ROR1: variants seen among roughly 807,000 people sequenced by gnomAD.
The protein encoded by ROR1 is ROR family WNT receptor 1.
ROR1 carries 19 observed loss-of-function variants against 78.8 expected under a neutral mutation model. That is an observed-to-expected ratio of 0.24 (90% CI 0.17 to 0.35). ROR1 has a LOEUF of 0.35. ROR1 is among the 10% of genes least tolerant of loss of function. The pLI is 1.00. For synonymous variants in ROR1, 386 were observed against 433.6 expected, an observed-to-expected ratio of 0.89 and a Z score of 1.36; for missense variants, 917 against 1,177.8, an observed-to-expected ratio of 0.78 and a Z score of 3.24.
chr1:63,883,693 G>A (rs906426500), intron 1 of ROR1, among the ~76,000 whole-genome samples: 2 of 152,136 alleles, frequency 1.3e-5, no homozygotes, highest in African/African-American at 4.8e-5. Flanking sequence ...AACCCATGTT[G>A]TTGTCTCTGG....
chr1:63,897,269 C>T (rs1172122931), intron 1 of ROR1, among the ~76,000 whole-genome samples: 1 of 152,138 alleles, frequency 6.6e-6, no homozygotes, highest in Non-Finnish European at 1.5e-5. Context: ...ATATGCATAA[C>T]ATACATAAAT....
intron 1 of ROR1, among the ~76,000 whole-genome samples, chr1:64,000,160 G>A (rs1257597866): frequency 1.3e-5 from 2 of 152,112 alleles, no homozygotes; most frequent in Non-Finnish European, 2.9e-5. Context: ...TTGCCTGGAG[G>A]CACTTTTTGG....
intron 4 of ROR1, among the ~76,000 whole-genome samples, chr1:64,067,710 CTTTT>C (rs986756579): frequency 2.8e-5 from 3 of 105,640 alleles, no homozygotes; most frequent in African/African-American, 1.3e-4. Context: ...TAAATAAATT[CTTTT>C]TTTTTTTTTT....
intron 2 of ROR1, among the ~76,000 whole-genome samples, chr1:64,041,453 A>T (rs1646745041): frequency 6.6e-6 from 1 of 152,190 alleles, no homozygotes; most frequent in African/African-American, 2.4e-5. Context: ...TATTCATTAA[A>T]ATAAGCCTCT....
chr1:63,847,523 C>T (rs1645088785), intron 1 of ROR1, among the ~76,000 whole-genome samples: 1 of 152,068 alleles, frequency 6.6e-6, no homozygotes, highest in African/African-American at 2.4e-5. Flanking sequence ...GGCTTCCTGC[C>T]AGAAGGATCT....
intron 4 of ROR1, among the ~76,000 whole-genome samples, chr1:64,087,035 A>G (rs1647160610): frequency 6.6e-6 from 1 of 152,162 alleles, no homozygotes; most frequent in Non-Finnish European, 1.5e-5. Context: ...CAGTGAGGGA[A>G]TCTTTGCCCA....
intron 4 of ROR1, among the ~76,000 whole-genome samples, chr1:64,135,378 G>T (rs1365785990): frequency 1.3e-5 from 2 of 152,142 alleles, no homozygotes; most frequent in Admixed American, 6.6e-5. Context: ...CCAGGGTTTT[G>T]TCCTCCCAAG....
chr1:63,978,827 T>G (rs2100506331), intron 1 of ROR1, among the ~76,000 whole-genome samples: 1 of 152,318 alleles, frequency 6.6e-6, no homozygotes, highest in African/African-American at 2.4e-5. Context: ...TTACCAGGAA[T>G]TGGCTCATGC....
Position 64,159,100 on chromosome 1 carries a change from C to G in ROR1, c.1294C>G (p.Gln432Glu), listed in dbSNP as rs775112425. ...CTTCATTTGCGTCTGTCGGAATAAC[C>G]AGAAGTCATCGTCGGCACCAGTCCA... ...FFFICVCRNN[Q>E]KSSSAPVQRQ... Residue 432 changes from glutamine (Q) to glutamate (E), a missense_variant, in exon 8 of 9, where the codon CAG (glutamine) becomes GAG (glutamate). By Grantham distance (29) the Gln-to-Glu change is conservative (BLOSUM62 2). Coordinates refer to ENST00000371079, the MANE Select transcript of ROR1 (RefSeq NM_005012.4). 103 of 1,614,006 alleles carry G rather than the reference C, an allele frequency of 6.4e-5. 1 individual carries two copies. In the Middle Eastern group the frequency reaches 6.6e-4, roughly 10 times the overall value.
At chr1:63,868,756 T>C (rs1645232652) in intron 1 of ROR1, among the ~76,000 whole-genome samples, 1 of 151,918 alleles carries the variant, frequency 6.6e-6, no homozygotes, top group East Asian at 1.9e-4. Context: ...GGATCAGGAG[T>C]TTCATGGGGC....
At chr1:63,938,407 G>A (rs1473176279) in intron 1 of ROR1, among the ~76,000 whole-genome samples, 1 of 152,114 alleles carries the variant, frequency 6.6e-6, no homozygotes. Context: ...ACTGAAGGAT[G>A]ACTGTATCTG....
chr1:63,806,046 T>C (rs558189634), intron 1 of ROR1, among the ~76,000 whole-genome samples: 12 of 152,338 alleles, frequency 7.9e-5, no homozygotes, highest in Admixed American at 7.2e-4. Context: ...GCTCCTTGGC[T>C]GTATAAGACA....
At chr1:63,822,965 T>C (rs528021312) in intron 1 of ROR1, among the ~76,000 whole-genome samples, 33 of 152,254 alleles carry the variant, frequency 2.2e-4, no homozygotes, top group Admixed American at 3.3e-4. Context: ...CCCCTCTCTG[T>C]GTTCTGTGGA....
intron 1 of ROR1, among the ~76,000 whole-genome samples, chr1:63,940,025 T>C (rs1205903475): frequency 6.6e-6 from 1 of 152,148 alleles, no homozygotes; most frequent in African/African-American, 2.4e-5. Flanking sequence ...TACAGGAGTG[T>C]CTGAAAGTGC....
intron 4 of ROR1, among the ~76,000 whole-genome samples, chr1:64,092,549 T>G (rs994495376): frequency 1.3e-5 from 2 of 152,118 alleles, no homozygotes; most frequent in Non-Finnish European, 2.9e-5. Context: ...GAGAAGGAGG[T>G]GGTTGCATAG....
intron 2 of ROR1, among the ~76,000 whole-genome samples, chr1:64,047,435 C>T (rs1162644656): frequency 6.6e-6 from 1 of 152,104 alleles, no homozygotes; most frequent in Non-Finnish European, 1.5e-5. Context: ...AACTGAGGTA[C>T]AAAGAGGTTA....
chr1:63,788,928 T>C, intron 1 of ROR1: 1 of 833,736 alleles, frequency 1.2e-6, no homozygotes. Flanking sequence ...CCCCTTAACC[T>C]TCAGGTACAG....
intron 4 of ROR1, among the ~76,000 whole-genome samples, chr1:64,127,345 T>A (rs989129335): frequency 1.3e-5 from 2 of 152,170 alleles, no homozygotes; most frequent in Middle Eastern, 3.2e-3. Context: ...AAAATGGAGA[T>A]AATGCTACCT....
chr1:64,092,361 G>A (rs1647206504), intron 4 of ROR1, among the ~76,000 whole-genome samples: 1 of 152,102 alleles, frequency 6.6e-6, no homozygotes, highest in South Asian at 2.1e-4. Flanking sequence ...TTTAGCTTTG[G>A]TCTCCCTTTT....
Sources: allele counts gnomAD v4.1 joint callset (sites outside exome capture counted in the v4.1 genomes callset), GRCh38; gene constraint gnomAD v4.1.1; transcripts MANE v1.5; gene names NCBI Gene and HGNC (gene_info 2026-07-23, HGNC 2026-07-21).